Variants in PKHD1 observed in about 807,000 individuals in gnomAD.
PKHD1 encodes the protein PKHD1 ciliary IPT domain containing fibrocystin/polyductin, also known as fibrocystin.
A neutral mutation model predicts 412.0 loss-of-function variants in PKHD1; 291 were observed. That is an observed-to-expected ratio of 0.71 (90% CI 0.64 to 0.78). PKHD1 has a LOEUF of 0.78. Ranked by LOEUF, PKHD1 falls within the 30% of genes least tolerant of loss-of-function variation. PKHD1 has a pLI of 0.00. For missense variants in PKHD1, 4,825 were observed against 4,950.7 expected (o/e 0.97, Z 0.76); for synonymous variants, 1,777 against 1,821.5 (o/e 0.98, Z 0.62).
chr6:51,886,053 A>G, intron 44 of PKHD1, 81 bp from the exon 45 acceptor site: 1 of 863,044 alleles, frequency 1.2e-6, no homozygotes, highest in Non-Finnish European at 1.9e-6. Context: ...AATACAAAGT[A>G]AAAGTAATGT....
At chr6:51,725,677 T>C (rs551160943) in intron 60 of PKHD1, among the ~76,000 whole-genome samples, 1 of 152,318 alleles carries the variant, frequency 6.6e-6, no homozygotes, top group South Asian at 2.1e-4. Flanking sequence ...TAGCTCACGT[T>C]TCATTTCACA....
At chr6:51,622,393 G>A (rs1280204919) in intron 66 of PKHD1, 1 of 152,052 alleles carries the variant, frequency 6.6e-6, no homozygotes, top group African/African-American at 2.4e-5. Context: ...GGATGATCTG[G>A]ATTCAGTACA....
At chr6:51,982,672 C>T (rs1293066192) in intron 35 of PKHD1, among the ~76,000 whole-genome samples, 1 of 147,430 alleles carries the variant, frequency 6.8e-6, no homozygotes, top group Non-Finnish European at 1.5e-5. Context: ...ACAAACACTG[C>T]GGAAGGCCGC....
chr6:51,883,087 A>C lies in PKHD1; in HGVS notation c.7350+6T>G, dbSNP rs1777633447. 1.9e-6 allele frequency: 3 copies of C among 1,612,286 alleles called. No homozygotes were observed. The highest frequency in any genetic ancestry group is 2.5e-6 in the Non-Finnish European group (3 of 1,178,704). On this transcript the variant is annotated splice_donor_region_variant and intron_variant, in intron 46 of 66. Transcript: ENST00000371117. Reference sequence around the variant, plus strand: ...CAGCCTAAAACAACCACACTAAGGCACTTACCTTGTGGGCAAAATGACCAA... The same window carrying C: ...CAGCCTAAAACAACCACACTAAGGCCCTTACCTTGTGGGCAAAATGACCAA...
At chr6:51,723,819 A>G (rs72899386) in intron 60 of PKHD1, among the ~76,000 whole-genome samples, 5,483 of 152,252 alleles carry the variant, frequency 0.036, 136 homozygotes, top group Non-Finnish European at 0.051. Flanking sequence ...GTTTGGGTAC[A>G]TAGAATGGTA....
chr6:52,048,695 C>T, intron 22 of PKHD1, 76 bp from the exon 23 acceptor site: 1 of 1,573,046 alleles, frequency 6.4e-7, no homozygotes, highest in Non-Finnish European at 8.7e-7. Flanking sequence ...TGAAGGATGT[C>T]CTGTCTTGCT....
chr6:52,009,523 G>A (rs1056386406), intron 35 of PKHD1, among the ~76,000 whole-genome samples: 1 of 152,158 alleles, frequency 6.6e-6, no homozygotes, highest in African/African-American at 2.4e-5. Context: ...AGAAAAATCT[G>A]AGAACTGCTT....
Position 51,903,681 on chromosome 6 carries a change from C to T in PKHD1, c.6912G>A (p.Gln2304=), listed in dbSNP as rs1781618829. ...GNIIRNNVII[Q]VSGAEGLSNP... is the part of the protein sequence containing the mutation. Reference sequence around the variant, plus strand: ...TGGAGAGTCCCTCGGCACCAGAAACCTGGATGATCACGTTGTTTCTTATTA... The same window carrying T: ...TGGAGAGTCCCTCGGCACCAGAAACTTGGATGATCACGTTGTTTCTTATTA... Residue 2304 remains glutamine, a synonymous_variant, in exon 43 of 67, where the codon CAG becomes CAA. Transcript: ENST00000371117. 1.2e-6 allele frequency: 2 copies of T among 1,611,440 alleles called. No homozygotes were observed. Among genetic ancestry groups the T allele is most frequent in the Non-Finnish European group, 8.5e-7 (1 of 1,177,882 alleles).
In PKHD1 at chr6:51,758,094, T is replaced by C. The variant is rs150726812; in HGVS notation, c.8643-3156A>G. Among the ~76,000 whole-genome samples, 39 of 151,144 alleles carry C rather than the reference T, an allele frequency of 2.6e-4. 1 individual carries two copies. Among genetic ancestry groups the C allele is most frequent in the East Asian group, 2.3e-3 (12 of 5,122 alleles). On this transcript the variant is annotated intron_variant, in intron 55 of 66. Coordinates refer to ENST00000371117, the MANE Select transcript of PKHD1 (RefSeq NM_138694.4). ...GAAAAAAATCACTATCTAAACCCCA[T>C]AGCACCTAACAATGTTCTAGGAATT...
chr6:51,879,246 C>T (rs1676003904), intron 46 of PKHD1, among the ~76,000 whole-genome samples: 1 of 32,588 alleles, frequency 3.1e-5, no homozygotes. Context: ...ACTTTCTTCA[C>T]AGAATTGGAA....
chr6:51,905,936 A>G (rs1166557423), intron 41 of PKHD1, among the ~76,000 whole-genome samples: 2 of 152,162 alleles, frequency 1.3e-5, no homozygotes. Context: ...TGTGACTTAG[A>G]ATTATTGTGA....
rs745531098 is a variant in PKHD1 at position 52,084,950 on chromosome 6, A to G, written c.-17T>C. On this transcript the variant is annotated 5_prime_UTR_variant, in exon 2 of 67. Coordinates refer to ENST00000371117, the MANE Select transcript of PKHD1 (RefSeq NM_138694.4). ...GGCAGTCATTCTGTCCACTTAAATC[A>G]ATACTCTTAAGATTGCTCAGACATT... 2.5e-5 allele frequency: 38 copies of G among 1,547,970 alleles called. No homozygotes were observed. The Admixed American group carries it at 6.3e-4, about 26-fold the overall frequency.
Position 51,847,644 on chromosome 6 carries a change from T to C in PKHD1, c.8107+131A>G, listed in dbSNP as rs541687880. The stretch of plus-strand genomic sequence containing the variant: ...CAGGCAATCAGACTTCAGGGAACAT[T>C]CACTCAACCATAACACACAGCTGTC... On this transcript the variant is annotated intron_variant, in intron 50 of 66. Transcript: ENST00000371117. 2.1e-4 allele frequency: 158 copies of C among 750,144 alleles called. No homozygotes were observed. The South Asian group carries it at 2.2e-3, about 11-fold the overall frequency. 46.5% of individuals were successfully genotyped at this position (750,144 alleles called of 1,614,324 possible). A position where few individuals can be genotyped will look rare whatever the true frequency, so the allele number is the denominator to read the frequency against.
At chr6:51,973,228 A>T (rs374892028) in intron 35 of PKHD1, among the ~76,000 whole-genome samples, 14 of 152,214 alleles carry the variant, frequency 9.2e-5, no homozygotes, top group Non-Finnish European at 1.6e-4. Context: ...TTAATAAAAT[A>T]TATGCATTTC....
intron 43 of PKHD1, among the ~76,000 whole-genome samples, chr6:51,890,789 T>G (rs1253612896): frequency 1.3e-5 from 2 of 152,142 alleles, no homozygotes; most frequent in Non-Finnish European, 2.9e-5. Context: ...GAAGAAGACA[T>G]GACATTTTGA....
At chr6:51,721,324 T>C in intron 60 of PKHD1, 1 of 736,068 alleles carries the variant, frequency 1.4e-6, no homozygotes, top group South Asian at 6.2e-5. Context: ...AACCCACTAT[T>C]ATTGGTATAT....
At chr6:51,721,840 T>G in intron 60 of PKHD1, 4 of 1,523,154 alleles carry the variant, frequency 2.6e-6, no homozygotes, top group Non-Finnish European at 3.5e-6. Flanking sequence ...CTCCTCCCAG[T>G]CCTCAATCAA....
At chr6:51,753,845 T>A (rs1786518812) in intron 56 of PKHD1, among the ~76,000 whole-genome samples, 1 of 152,208 alleles carries the variant, frequency 6.6e-6, no homozygotes, top group South Asian at 2.1e-4. Context: ...CCTCTCATGG[T>A]GGATCTTCCA....
intron 60 of PKHD1, among the ~76,000 whole-genome samples, chr6:51,675,445 A>C (rs537667696): frequency 6.6e-6 from 1 of 152,240 alleles, no homozygotes; most frequent in South Asian, 2.1e-4. Flanking sequence ...AATTCTGATC[A>C]TTTTTAAATG....
Sources: allele counts gnomAD v4.1 joint callset (sites outside exome capture counted in the v4.1 genomes callset), GRCh38; gene constraint gnomAD v4.1.1; transcripts MANE v1.5; gene names NCBI Gene and HGNC (gene_info 2026-07-23, HGNC 2026-07-21).